Variants in MAP3K19 observed in about 807,000 individuals in gnomAD.
MAP3K19 encodes mitogen-activated protein kinase kinase kinase 19, also known as SPS1/STE20-related protein kinase YSK4.
A neutral mutation model predicts 114.4 loss-of-function variants in MAP3K19; 91 were observed. That is an observed-to-expected ratio of 0.80 (90% CI 0.67 to 0.95). The LOEUF is 0.95. MAP3K19 is among the 40% of genes least tolerant of loss of function. MAP3K19 has a pLI of 0.00. For missense variants in MAP3K19, 1,471 were observed against 1,573.2 expected (o/e 0.94, Z 1.10); for synonymous variants, 518 against 530.5 (o/e 0.98, Z 0.32).
At chr2:135,046,797 C>T (rs547807294) in intron 1 of MAP3K19, among the ~76,000 whole-genome samples, 35 of 152,238 alleles carry the variant, frequency 2.3e-4, no homozygotes, top group African/African-American at 7.7e-4. Flanking sequence ...GTTGAGAAAG[C>T]ATGGTTAAGA....
intron 5 of MAP3K19, among the ~76,000 whole-genome samples, chr2:135,020,168 C>A (rs1243439735): frequency 6.6e-6 from 1 of 152,158 alleles, no homozygotes; most frequent in Non-Finnish European, 1.5e-5. Flanking sequence ...CAGGTGCCCA[C>A]CACCAAGCCT....
At chr2:135,018,159 C>G in intron 5 of MAP3K19, among the ~76,000 whole-genome samples, 1 of 151,988 alleles carries the variant, frequency 6.6e-6, no homozygotes, top group African/African-American at 2.4e-5. Flanking sequence ...GGCATGGTGG[C>G]CCATGCCTGT....
rs1470185439 is a variant in MAP3K19 at position 134,987,389 on chromosome 2, G to A, written c.1483C>T (p.Pro495Ser). The A allele has an allele frequency of 6.2e-7, 1 of 1,613,988 alleles. No homozygotes were observed. Among genetic ancestry groups the A allele is most frequent in the South Asian group, 1.1e-5 (1 of 91,058 alleles). Residue 495 changes from proline (P) to serine (S), a missense_variant, in exon 10 of 13, where the codon CCC becomes TCC. Coordinates refer to ENST00000392915, the MANE Select transcript of MAP3K19 (RefSeq NM_025052.5). ...GGTTTGGCTATCACTGGTTCCTTGG[G>A]GCTTCCATCCACAGGGAAGGTGATG... ...IHITFPVDGS[P>S]KEPVIAKPSL...
intron 2 of MAP3K19, among the ~76,000 whole-genome samples, chr2:135,033,574 G>A (rs1486814005): frequency 1.2e-5 from 1 of 84,782 alleles, no homozygotes; most frequent in Non-Finnish European, 2.1e-5. Flanking sequence ...CGGGCGGGGG[G>A]CTGACCCCCC....
Position 134,988,253 on chromosome 2 carries a change from A to G in MAP3K19, c.619T>C (p.Phe207Leu), listed in dbSNP as rs747154447. The change falls in exon 10 of 13, where the codon TTC becomes CTC. Residue 207 changes from phenylalanine (F) to leucine (L), a missense_variant and splice_region_variant. By Grantham distance (22) the Phe-to-Leu change is conservative. Transcript: ENST00000392915. ...HMKYSGRSIKFLLPPLSLLPT... is the reference protein window; with the variant it reads ...HMKYSGRSIKLLLPPLSLLPT... The stretch of plus-strand genomic sequence containing the variant: ...AAGAGTGACAGTGGTGGCAGAAGGA[A>G]CTAAAAGGAAGACAGAAAAAGCTGT... 2 of 1,544,928 alleles carry G rather than the reference A, an allele frequency of 1.3e-6. No homozygotes were observed. The highest frequency in any genetic ancestry group is 2.1e-5 in the Admixed American group (1 of 47,762).
intron 12 of MAP3K19, among the ~76,000 whole-genome samples, chr2:134,977,605 G>T (rs113366206): frequency 4.6e-5 from 7 of 151,692 alleles, no homozygotes; most frequent in African/African-American, 1.7e-4. Flanking sequence ...CTCGTGATCC[G>T]CCCGCCTCGG....
chr2:135,009,681 C>A (rs1025767450), intron 5 of MAP3K19, among the ~76,000 whole-genome samples: 2 of 151,886 alleles, frequency 1.3e-5, no homozygotes, highest in African/African-American at 4.8e-5. Flanking sequence ...TCATACCCAC[C>A]TACAAAATCC....
chr2:135,019,014 G>A (rs58762598), intron 5 of MAP3K19, among the ~76,000 whole-genome samples: 19,179 of 151,960 alleles, frequency 0.13, 1,519 homozygotes, highest in South Asian at 0.32. Flanking sequence ...GGGAGGCAGA[G>A]GTTGCAGTGA....
At chr2:134,982,216 T>G (rs1295471620) in intron 11 of MAP3K19, among the ~76,000 whole-genome samples, 1 of 144,858 alleles carries the variant, frequency 6.9e-6, no homozygotes, top group African/African-American at 2.6e-5. Context: ...ATTCCTGGGC[T>G]CAAGCGATCC....
intron 12 of MAP3K19, among the ~76,000 whole-genome samples, chr2:134,970,595 C>CTTT (rs745484871): frequency 1.8e-5 from 2 of 109,566 alleles, no homozygotes; most frequent in African/African-American, 3.8e-5. Context: ...GTTTGAATGC[C>CTTT]TTTTTTTTTT....
At chr2:135,031,707 G>T (rs1318791464) in intron 2 of MAP3K19, among the ~76,000 whole-genome samples, 1 of 152,230 alleles carries the variant, frequency 6.6e-6, no homozygotes, top group East Asian at 1.9e-4. Context: ...GCCTCATGGA[G>T]AGACGACAGC....
Position 134,996,878 on chromosome 2 carries a change from A to G in MAP3K19, c.574+1860T>C, listed in dbSNP as rs370748762. 2.4e-4 allele frequency among the ~76,000 whole-genome samples: 37 copies of G among 152,128 alleles called. No homozygotes were observed. The East Asian group carries it at 5.8e-3, about 24-fold the overall frequency. On this transcript the variant is annotated intron_variant, in intron 8 of 12. Transcript: ENST00000392915. Reference sequence around the variant, plus strand: ...GGTGAAACCCCATCTGTACCAAAAAACAAACAAACAAACAAACAAAACTAG... The same window carrying G: ...GGTGAAACCCCATCTGTACCAAAAAGCAAACAAACAAACAAACAAAACTAG...
chr2:135,015,708 C>T (rs1253577864), intron 5 of MAP3K19, among the ~76,000 whole-genome samples: 1 of 151,942 alleles, frequency 6.6e-6, no homozygotes, highest in Non-Finnish European at 1.5e-5. Flanking sequence ...TCCTGGCCAA[C>T]ATAGTGAAAC....
Position 134,975,770 on chromosome 2 carries a change from C to G in MAP3K19, c.3920+5051G>C, listed in dbSNP as rs569320687. On this transcript the variant is annotated intron_variant, in intron 12 of 12. Coordinates refer to ENST00000392915, the MANE Select transcript of MAP3K19 (RefSeq NM_025052.5). Reference sequence around the variant, plus strand: ...AGAAAGCCAGTCCTCAGGGCACATGCAAATGTGCTGCAACCCTGTTGCTGA... The same window carrying G: ...AGAAAGCCAGTCCTCAGGGCACATGGAAATGTGCTGCAACCCTGTTGCTGA... Among the ~76,000 whole-genome samples the G allele has an allele frequency of 2.6e-5, 4 of 152,288 alleles. No individual in the cohort carries two copies. In the East Asian group the frequency reaches 7.7e-4, roughly 29 times the overall value.
At chr2:135,027,440 A>T (rs1574049493) in intron 3 of MAP3K19, among the ~76,000 whole-genome samples, 1 of 152,090 alleles carries the variant, frequency 6.6e-6, no homozygotes, top group Non-Finnish European at 1.5e-5. Context: ...GGGAAAGGGT[A>T]AAAAAGAAGC....
At position 134,987,230 on chromosome 2, in the gene MAP3K19, T is replaced by A; in HGVS notation, c.1642A>T (p.Thr548Ser). ...GTAGAAATCACAAAATTCTGAGGTG[T>A]CTTCTTACTTGTCTTGGTCTTTGAA... ...LDSKTKTSKKTPQNFVISTEG... is the reference protein window; with the variant it reads ...LDSKTKTSKKSPQNFVISTEG... Residue 548 changes from threonine (T) to serine (S), a missense_variant, in exon 10 of 13, where the codon ACA becomes TCA. Coordinates refer to ENST00000392915, the MANE Select transcript of MAP3K19 (RefSeq NM_025052.5). 3 of 1,614,148 alleles carry A rather than the reference T, an allele frequency of 1.9e-6. No homozygotes were observed. The highest frequency in any genetic ancestry group is 2.5e-6 in the Non-Finnish European group (3 of 1,180,012).
In MAP3K19 at chr2:134,986,092, A is replaced by G; in HGVS notation, c.2780T>C (p.Leu927Ser). 1 of 1,614,072 alleles carries G rather than the reference A, an allele frequency of 6.2e-7. No individual in the cohort carries two copies. Among genetic ancestry groups the G allele is most frequent in the South Asian group, 1.1e-5 (1 of 91,046 alleles). The stretch of plus-strand genomic sequence containing the variant: ...CTTATTTGCTAAACTATCATGATCC[A>G]AATAATGTACCCAATATTGATATGT... ...SQTYQYWVHY[L>S]DHDSLANKSI... Residue 927 changes from leucine (L) to serine (S), a missense_variant, in exon 10 of 13, where the codon TTG becomes TCG. By Grantham distance (145) the Leu-to-Ser change is moderately radical (BLOSUM62 -2). Coordinates refer to ENST00000392915, the MANE Select transcript of MAP3K19 (RefSeq NM_025052.5).
intron 6 of MAP3K19, among the ~76,000 whole-genome samples, chr2:135,004,965 C>T (rs886696055): frequency 6.6e-6 from 1 of 152,060 alleles, no homozygotes; most frequent in African/African-American, 2.4e-5. Context: ...AAGAAATGGA[C>T]AGGGAATGGG....
chr2:134,987,496 C>T lies in MAP3K19; in HGVS notation c.1376G>A (p.Cys459Tyr), dbSNP rs768442592. Reference protein sequence around the residue: ...DDPIDKLPEGCSSMETNIKIS... With the variant: ...DDPIDKLPEGYSSMETNIKIS... ...TTTTATGTTTGTCTCCATGCTGCTA[C>T]AACCTTCTGGGAGTTTATCAATGGG... The change falls in exon 10 of 13, where the codon TGT (cysteine) becomes TAT (tyrosine). Residue 459 changes from cysteine (C) to tyrosine (Y), a missense_variant. Cys to Tyr is a radical substitution (Grantham distance 194). Coordinates refer to ENST00000392915, the MANE Select transcript of MAP3K19 (RefSeq NM_025052.5). The T allele has an allele frequency of 4.3e-5, 70 of 1,614,216 alleles. 1 individual carries two copies. The East Asian group carries it at 1.6e-3, about 36-fold the overall frequency.
Sources: allele counts gnomAD v4.1 joint callset (sites outside exome capture counted in the v4.1 genomes callset), GRCh38; gene constraint gnomAD v4.1.1; transcripts MANE v1.5; gene names NCBI Gene and HGNC (gene_info 2026-07-23, HGNC 2026-07-21).